Variants in ASAH2 observed in about 807,000 individuals in gnomAD.
The protein encoded by ASAH2 is neutral ceramidase.
ASAH2 carries 58 observed loss-of-function variants against 82.9 expected under a neutral mutation model. That is an observed-to-expected ratio of 0.70 (90% CI 0.57 to 0.87). The LOEUF (loss-of-function observed/expected upper bound fraction) is 0.87, where lower values mean the gene tolerates loss of function less well. ASAH2 is among the 40% of genes least tolerant of loss of function. ASAH2 has a pLI of 0.00. For missense variants in ASAH2, 779 were observed against 834.0 expected (o/e 0.93, Z 0.81); for synonymous variants, 276 against 289.7 (o/e 0.95, Z 0.48).
intron 7 of ASAH2, among the ~76,000 whole-genome samples, chr10:50,226,722 A>G (rs1845895002): frequency 6.6e-6 from 1 of 152,048 alleles, no homozygotes; most frequent in Admixed American, 6.6e-5. Context: ...TAGTTTATTA[A>G]TTAAATAATA....
chr10:50,228,292 T>C (rs1165408194), intron 7 of ASAH2, among the ~76,000 whole-genome samples: 1 of 152,002 alleles, frequency 6.6e-6, no homozygotes, highest in African/African-American at 2.4e-5. Flanking sequence ...AGAACAAGAA[T>C]GGTTTGGTAG....
At chr10:50,214,154 A>C (rs1174305507) in intron 9 of ASAH2, among the ~76,000 whole-genome samples, 4 of 152,190 alleles carry the variant, frequency 2.6e-5, no homozygotes, top group Non-Finnish European at 5.9e-5. Context: ...TCCATAAATA[A>C]GTCATATAAT....
At chr10:50,227,216 A>G (rs1278199662) in intron 7 of ASAH2, among the ~76,000 whole-genome samples, 1 of 152,210 alleles carries the variant, frequency 6.6e-6, no homozygotes, top group Non-Finnish European at 1.5e-5. Flanking sequence ...TTCAAAGAAA[A>G]TGATAGAAAA....
chr10:50,195,036 C>A (rs1589318782), intron 18 of ASAH2, among the ~76,000 whole-genome samples: 1 of 148,408 alleles, frequency 6.7e-6, no homozygotes, highest in African/African-American at 2.5e-5. Flanking sequence ...AAAGCAAAAA[C>A]AGACACATAT....
intron 13 of ASAH2, among the ~76,000 whole-genome samples, chr10:50,205,594 G>A (rs1845272634): frequency 6.6e-6 from 1 of 151,978 alleles, no homozygotes; most frequent in African/African-American, 2.4e-5. Flanking sequence ...AATGTTGCCT[G>A]AACTGTGAGA....
intron 16 of ASAH2, among the ~76,000 whole-genome samples, chr10:50,202,606 A>G (rs1845181587): frequency 6.6e-6 from 1 of 152,068 alleles, no homozygotes; most frequent in Non-Finnish European, 1.5e-5. Context: ...AATTTCAGGG[A>G]AAATGTAAGT....
chr10:50,214,833 T>C lies in ASAH2; in HGVS notation c.1050A>G (p.Leu350=). 1 of 1,613,738 alleles carries C rather than the reference T, an allele frequency of 6.2e-7. No individual in the cohort carries two copies. Among genetic ancestry groups the C allele is most frequent in the Non-Finnish European group, 8.5e-7 (1 of 1,179,676 alleles). The change falls in exon 9 of 21, where the codon CTA becomes CTG. Residue 350 remains leucine (L), a synonymous_variant. Transcript: ENST00000682911. ...PFVAAFASSN[L]GDVSPNILGP... is the part of the protein sequence containing the mutation. ...CAAGAATGTTGGGGGACACATCTCC[T>C]AGGTTTGATGAAGCAAAGGCTGCTA...
intron 7 of ASAH2, among the ~76,000 whole-genome samples, chr10:50,226,554 G>C (rs1170406433): frequency 2.0e-5 from 3 of 152,100 alleles, no homozygotes; most frequent in African/African-American, 7.2e-5. Flanking sequence ...TGATGATGAT[G>C]TGTCAATGTA....
chr10:50,210,080 C>T (rs1001619248), intron 12 of ASAH2, among the ~76,000 whole-genome samples: 111,177 of 152,110 alleles, frequency 0.73, 43,312 homozygotes, highest in Non-Finnish European at 0.88. Context: ...ATAAAAATCC[C>T]ATGAATATTT....
chr10:50,240,056 G>T (rs1411109242), intron 4 of ASAH2, among the ~76,000 whole-genome samples: 1 of 151,932 alleles, frequency 6.6e-6, no homozygotes, highest in Non-Finnish European at 1.5e-5. Flanking sequence ...TCGAACTCCT[G>T]ACCTCAAGTG....
At chr10:50,233,410 T>C in intron 6 of ASAH2, 149 bp from the exon 7 acceptor site, 2 of 657,170 alleles carry the variant, frequency 3.0e-6, no homozygotes, top group Non-Finnish European at 2.8e-6. Context: ...CTGTATCCAG[T>C]ACCTCATTTA....
At chr10:50,193,291 T>C (rs1356982403) in intron 18 of ASAH2, among the ~76,000 whole-genome samples, 3 of 151,730 alleles carry the variant, frequency 2.0e-5, no homozygotes, top group Non-Finnish European at 4.4e-5. Flanking sequence ...CATCAGAGTT[T>C]ACGGGCCACG....
chr10:50,226,406 TG>T (rs1226346955), intron 7 of ASAH2, among the ~76,000 whole-genome samples: 2 of 152,140 alleles, frequency 1.3e-5, no homozygotes, highest in African/African-American at 4.8e-5. Context: ...TGGCTCTGAG[TG>T]TCAGGATCTC....
Position 50,218,588 on chromosome 10 carries a change from AT to A in ASAH2, c.935del (p.His312LeufsTer3). On this transcript the variant is annotated frameshift_variant, in exon 8 of 21. Transcript: ENST00000682911. LOFTEE classifies it high-confidence loss of function. ...AGCCCACATTGTCACTGTTTACAAG[AT>A]GGTTACTGTTGTTCATGCTGACCGG... The part of the protein sequence containing the change: ...IHPVSMNNSN[H>X]LVNSDNVGYA... 1 of 1,613,786 alleles carries A rather than the reference AT, an allele frequency of 6.2e-7. No individual in the cohort carries two copies. Among genetic ancestry groups the A allele is most frequent in the Non-Finnish European group, 8.5e-7 (1 of 1,179,764 alleles).
intron 7 of ASAH2, among the ~76,000 whole-genome samples, chr10:50,220,973 T>C (rs933553712): frequency 6.6e-6 from 1 of 152,014 alleles, no homozygotes; most frequent in East Asian, 1.9e-4. Context: ...AAAATTTCTA[T>C]GTAGTTTCTT....
chr10:50,248,619 A>G lies in ASAH2; in HGVS notation c.-9T>C. On this transcript the variant is annotated 5_prime_UTR_variant, in exon 2 of 21. Coordinates refer to ENST00000682911, the MANE Select transcript of ASAH2 (RefSeq NM_019893.4). ...AAGGTGCGTTTGGCCATTTCTTCTCAGGTACAGCAGAGATGGAAGAAGAAA... is the reference window on the plus strand; with the variant it reads ...AAGGTGCGTTTGGCCATTTCTTCTCGGGTACAGCAGAGATGGAAGAAGAAA... The G allele has an allele frequency of 6.2e-7, 1 of 1,610,774 alleles. No homozygotes were observed. The highest frequency in any genetic ancestry group is 1.1e-5 in the South Asian group (1 of 90,196).
chr10:50,210,043 A>G (rs1845408861), intron 12 of ASAH2, among the ~76,000 whole-genome samples: 1 of 152,184 alleles, frequency 6.6e-6, no homozygotes, highest in African/African-American at 2.4e-5. Context: ...TATATACCCA[A>G]GAGGAAAGAT....
rs1845444967 is a variant in ASAH2, at chr10:50,211,154, A to T, written c.1228-20T>A. On this transcript the variant is annotated intron_variant, in intron 10 of 20. Transcript: ENST00000682911. ...GAGTTCCTAGAAAACACACAGGCTT[A>T]TTATTCCAAGCAAAAAGGCTAAAGT... 2 of 1,573,166 alleles carry T rather than the reference A, an allele frequency of 1.3e-6. No individual in the cohort carries two copies. Among genetic ancestry groups the T allele is most frequent in the Admixed American group, 3.3e-5 (2 of 59,828 alleles).
chr10:50,247,323 ATTT>A (rs34724803), intron 2 of ASAH2, among the ~76,000 whole-genome samples: 43,277 of 147,980 alleles, frequency 0.29, 6,503 homozygotes, highest in Non-Finnish European at 0.32. Flanking sequence ...ACAAACAGCT[ATTT>A]TTTTTTTTTT....
Sources: allele counts gnomAD v4.1 joint callset (sites outside exome capture counted in the v4.1 genomes callset), GRCh38; gene constraint gnomAD v4.1.1; transcripts MANE v1.5; gene names NCBI Gene and HGNC (gene_info 2026-07-23, HGNC 2026-07-21).